Variants in TLR1 observed in about 807,000 individuals in gnomAD.
The protein encoded by TLR1 is toll like receptor 1, also known as toll-like receptor 1.
TLR1 carries 19 observed loss-of-function variants against 20.2 expected under a neutral mutation model. The ratio of observed to expected loss-of-function variants is 0.94; its 90% CI spans 0.66 to 1.38. The LOEUF is 1.38. TLR1 is among the 40% of genes most tolerant of loss of function. The probability of loss-of-function intolerance (pLI) is 0.00; values close to 1 mark genes in which losing one functional copy is unlikely to be tolerated. For synonymous variants in TLR1, 320 were observed against 334.5 expected, an observed-to-expected ratio of 0.96 and a Z score of 0.47; for missense variants, 921 against 910.0, an observed-to-expected ratio of 1.01 and a Z score of -0.16.
At chr4:38,801,317 G>A (rs908587664) in intron 2 of TLR1, among the ~76,000 whole-genome samples, 3 of 152,164 alleles carry the variant, frequency 2.0e-5, no homozygotes, top group East Asian at 1.9e-4. Context: ...GGAGGCATCC[G>A]CAAACCAGAA....
chr4:38,791,518 T>C (rs1358302783), downstream of TLR1, among the ~76,000 whole-genome samples: 1 of 152,180 alleles, frequency 6.6e-6, no homozygotes, highest in Non-Finnish European at 1.5e-5. Flanking sequence ...TATTTCCCCA[T>C]TTGCCATTTT....
At chr4:38,792,017 GT>G (rs1171194413), downstream of TLR1, among the ~76,000 whole-genome samples, 6 of 152,290 alleles carry the variant, frequency 3.9e-5, no homozygotes, top group South Asian at 1.2e-3. Flanking sequence ...AGATAAGTCA[GT>G]TACACACATT....
Position 38,798,660 on chromosome 4 carries a change from A to G in TLR1, c.172T>C (p.Ser58Pro). The change falls in exon 4 of 4, where the codon TCT becomes CCT. Residue 58 changes from serine to proline, a missense_variant. By Grantham distance (74) the Ser-to-Pro change is moderately conservative (BLOSUM62 -1). Transcript: ENST00000308979. The stretch of plus-strand genomic sequence containing the variant: ...AAGATGTCAGAAGTCCAAAGCTCAG[A>G]TATATAATTTTGCGATATATTTAAG... The part of the protein sequence containing the change: ...TILNISQNYI[S>P]ELWTSDILSL... 6.2e-7 allele frequency: 1 copy of G among 1,614,010 alleles called. No homozygotes were observed. The highest frequency in any genetic ancestry group is 8.5e-7 in the Non-Finnish European group (1 of 1,179,918).
chr4:38,801,507 C>G (rs5743591), intron 2 of TLR1, among the ~76,000 whole-genome samples: 4,230 of 152,246 alleles, frequency 0.028, 183 homozygotes, highest in African/African-American at 0.09. Flanking sequence ...CAAGCTAGGT[C>G]GAAGCAAAAG....
intron 2 of TLR1, among the ~76,000 whole-genome samples, 151 bp from the exon 3 acceptor site, chr4:38,801,099 T>C (rs1726609611): frequency 6.6e-6 from 1 of 152,252 alleles, no homozygotes; most frequent in Admixed American, 6.5e-5. Context: ...CAAGGAGCAA[T>C]ATTTCAATGG....
Position 38,796,827 on chromosome 4 carries a change from G to A in TLR1, c.2005C>T (p.His669Tyr). ...LEKEGMQICL[H>Y]ERNFVPGKSI... ...TTGCCAGGAACAAAGTTTCTCTCAT[G>A]AAGGCAAATCTGCATACCTTCTTTC... is the stretch of plus-strand genomic sequence containing the variant. The change falls in exon 4 of 4, where the codon CAT becomes TAT. Residue 669 changes from histidine (H) to tyrosine (Y), a missense_variant. Physicochemically the swap from His to Tyr is moderately conservative, Grantham distance 83. Coordinates refer to ENST00000308979, the MANE Select transcript of TLR1 (RefSeq NM_003263.4). 1 of 1,614,252 alleles carries A rather than the reference G, an allele frequency of 6.2e-7. No individual in the cohort carries two copies. Among genetic ancestry groups the A allele is most frequent in the Non-Finnish European group, 8.5e-7 (1 of 1,180,052 alleles).
chr4:38,796,615 A>G lies in TLR1; in HGVS notation c.2217T>C (p.Ile739=). The change falls in exon 4 of 4, where the codon ATT becomes ATC. Residue 739 remains isoleucine, a synonymous_variant. Transcript: ENST00000308979. ...TTTTGAGCTTGTGATAACTGCTAGG[A>G]ATGGAGTACTGCGGAATGGGTTCCA... ...ILLEPIPQYS[I]PSSYHKLKSL... is the part of the protein sequence containing the mutation. 4 of 1,614,214 alleles carry G rather than the reference A, an allele frequency of 2.5e-6. No homozygotes were observed. The highest frequency in any genetic ancestry group is 3.4e-6 in the Non-Finnish European group (4 of 1,180,036).
chr4:38,795,222 T>C (rs1178167644), downstream of TLR1, among the ~76,000 whole-genome samples: 9 of 152,180 alleles, frequency 5.9e-5, no homozygotes, highest in Non-Finnish European at 1.2e-4. Flanking sequence ...ATCAGAATGG[T>C]AGAACAGGCT....
rs1434999901 is a variant in TLR1 at position 38,796,625 on chromosome 4, T to G, written c.2207A>C (p.Gln736Pro). ...GTGATAACTGCTAGGAATGGAGTACTGCGGAATGGGTTCCAGCAAGATCAG... is the reference window on the plus strand; with the variant it reads ...GTGATAACTGCTAGGAATGGAGTACGGCGGAATGGGTTCCAGCAAGATCAG... ...LILILLEPIPQYSIPSSYHKL... is the reference protein window; with the variant it reads ...LILILLEPIPPYSIPSSYHKL... The change falls in exon 4 of 4, where the codon CAG becomes CCG. Residue 736 changes from glutamine to proline, a missense_variant. Gln to Pro is a moderately conservative substitution (Grantham distance 76, BLOSUM62 -1). Transcript: ENST00000308979. 1 of 1,614,236 alleles carries G rather than the reference T, an allele frequency of 6.2e-7. No individual in the cohort carries two copies. The highest frequency in any genetic ancestry group is 1.7e-5 in the Admixed American group (1 of 60,024).
At position 38,797,049 on chromosome 4, in the gene TLR1, C is replaced by T. The variant is rs1726143758; in HGVS notation, c.1783G>A (p.Val595Met). Residue 595 changes from valine (V) to methionine (M), a missense_variant, in exon 4 of 4, where the codon GTG (valine) becomes ATG (methionine). Coordinates refer to ENST00000308979, the MANE Select transcript of TLR1 (RefSeq NM_003263.4). ...TAGCTGCAGAGGGAGGTCACAGTCA[C>T]AGCCAACACCAGCATGGTGGCAACG... ...TIVATMLVLA[V>M]TVTSLCSYLD... The T allele has an allele frequency of 3.7e-6, 6 of 1,613,772 alleles. No individual in the cohort carries two copies. Among genetic ancestry groups the T allele is most frequent in the African/African-American group, 2.7e-5 (2 of 74,922 alleles).
At chr4:38,791,628 T>G (rs1355615067), downstream of TLR1, among the ~76,000 whole-genome samples, 1 of 152,204 alleles carries the variant, frequency 6.6e-6, no homozygotes, top group Non-Finnish European at 1.5e-5. Flanking sequence ...TTATTTCATC[T>G]TAGAAAGCCC....
chr4:38,797,729 C>A lies in TLR1; in HGVS notation c.1103G>T (p.Cys368Phe). The A allele has an allele frequency of 6.2e-7, 1 of 1,613,632 alleles. No individual in the cohort carries two copies. The highest frequency in any genetic ancestry group is 8.5e-7 in the Non-Finnish European group (1 of 1,179,904). Reference protein sequence around the residue: ...NLLTDTVFENCGHLTELETLI... With the variant: ...NLLTDTVFENFGHLTELETLI... ...TGTCTCCAACTCAGTAAGGTGCCCA[C>A]AATTTTCAAAAACCGTGTCTGTTAA... Residue 368 changes from cysteine to phenylalanine, a missense_variant, in exon 4 of 4, where the codon TGT becomes TTT. By Grantham distance (205) the Cys-to-Phe change is radical. Transcript: ENST00000308979.
rs770320905 is a variant in TLR1, at chr4:38,797,648, G to C, written c.1184C>G (p.Thr395Arg). The change falls in exon 4 of 4, where the codon ACA (threonine) becomes AGA (arginine). Residue 395 changes from threonine (T) to arginine (R), a missense_variant. Coordinates refer to ENST00000308979, the MANE Select transcript of TLR1 (RefSeq NM_003263.4). Reference protein sequence around the residue: ...KELSKIAEMTTQMKSLQQLDI... With the variant: ...KELSKIAEMTRQMKSLQQLDI... ...CAATTGTTGCAGAGACTTCATCTGT[G>C]TAGTCATTTCAGCTATTTTTGAAAG... 2.7e-5 allele frequency: 43 copies of C among 1,613,744 alleles called. No homozygotes were observed. The highest frequency in any genetic ancestry group is 3.3e-5 in the Non-Finnish European group (39 of 1,179,982).
intron 2 of TLR1, among the ~76,000 whole-genome samples, chr4:38,801,673 G>A (rs1322591377): frequency 6.6e-5 from 10 of 152,178 alleles, no homozygotes; most frequent in Non-Finnish European, 2.9e-5. Context: ...AGGCACACAG[G>A]ACCCCGTGCA....
At chr4:38,788,459 G>T (rs1725652215), downstream of TLR1, among the ~76,000 whole-genome samples, 1 of 152,152 alleles carries the variant, frequency 6.6e-6, no homozygotes, top group African/African-American at 2.4e-5. Flanking sequence ...TATCCAAAAA[G>T]ACATGTCAGC....
rs1726409455 is a variant in TLR1 at position 38,798,719 on chromosome 4, T to G, written c.113A>C (p.His38Pro). 6.2e-7 allele frequency: 1 copy of G among 1,613,690 alleles called. No homozygotes were observed. Among genetic ancestry groups the G allele is most frequent in the African/African-American group, 1.3e-5 (1 of 74,946 alleles). ...TTTCTGGGATAGGTCTTTAGGAACG[T>G]GGATGAGACCGTTTTTTGACCTATC... is the stretch of plus-strand genomic sequence containing the variant. ...LVDRSKNGLIHVPKDLSQKTT... is the reference protein window; with the variant it reads ...LVDRSKNGLIPVPKDLSQKTT... Residue 38 changes from histidine (H) to proline (P), a missense_variant, in exon 4 of 4, where the codon CAC (histidine) becomes CCC (proline). Transcript: ENST00000308979.
chr4:38,789,810 T>G (rs1725676693), downstream of TLR1, among the ~76,000 whole-genome samples: 1 of 152,236 alleles, frequency 6.6e-6, no homozygotes, highest in South Asian at 2.1e-4. Flanking sequence ...GAGATTTATA[T>G]ATGAACTCTT....
rs201013197 is a variant in TLR1, at chr4:38,797,440, G to T, written c.1392C>A (p.Val464=). Residue 464 remains valine (V), a synonymous_variant, in exon 4 of 4, where the codon GTC becomes GTA. Transcript: ENST00000308979. ...GTTCTTGCAAAGCTTCCAGTTTTACGACTTGTTTAGGAATGCTCTTTATTT... is the reference window on the plus strand; with the variant it reads ...GTTCTTGCAAAGCTTCCAGTTTTACTACTTGTTTAGGAATGCTCTTTATTT... ...SNKIKSIPKQ[V]VKLEALQELN... 1 of 1,614,056 alleles carries T rather than the reference G, an allele frequency of 6.2e-7. No individual in the cohort carries two copies. Among genetic ancestry groups the T allele is most frequent in the South Asian group, 1.1e-5 (1 of 91,076 alleles).
At chr4:38,804,497 C>T (rs1726894961) in intron 1 of TLR1, 115 bp from the exon 2 acceptor site, 1 of 152,210 alleles carries the variant, frequency 6.6e-6, no homozygotes, top group African/African-American at 2.4e-5. Flanking sequence ...ATATTCATTT[C>T]CCAACTCAAA....
Sources: allele counts gnomAD v4.1 joint callset (sites outside exome capture counted in the v4.1 genomes callset), GRCh38; gene constraint gnomAD v4.1.1; transcripts MANE v1.5; gene names NCBI Gene and HGNC (gene_info 2026-07-23, HGNC 2026-07-21).